Variants in CLTC observed in about 807,000 individuals in gnomAD.
The protein encoded by CLTC is clathrin heavy chain 1.
In CLTC, 16 loss-of-function variants were observed where a neutral mutation model predicts 195.8. That is an observed-to-expected ratio of 0.08 (90% confidence interval 0.06 to 0.12). The LOEUF is 0.12. Ranked by LOEUF, CLTC falls within the 10% of genes least tolerant of loss-of-function variation. The pLI is 1.00. For synonymous variants in CLTC, 667 were observed against 689.4 expected (o/e 0.97, Z 0.51); for missense variants, 796 against 2,027.0 (o/e 0.39, Z 11.66).
chr17:59,626,446 G>GA (rs1009329305), intron 1 of CLTC, among the ~76,000 whole-genome samples: 20 of 151,052 alleles, frequency 1.3e-4, no homozygotes, highest in African/African-American at 3.9e-4. Context: ...AGACATATTT[G>GA]AAAAAAAAAC....
Position 59,681,385 on chromosome 17 carries a change from C to T in CLTC, c.3156C>T (p.Ala1052=). Residue 1052 remains alanine, a synonymous_variant, in exon 20 of 32, where the codon GCC becomes GCT. Transcript: ENST00000269122. The surrounding 1 kb of genome is among the most constrained non-coding windows in gnomAD (Gnocchi z 5.0). ...EYINRLDNYD[A]PDIANIAISN... is the part of the protein sequence containing the mutation. Reference sequence around the variant, plus strand: ...TTAACCGCCTGGATAATTATGATGCCCCAGATATTGCCAATATCGCCATCA... The same window carrying T: ...TTAACCGCCTGGATAATTATGATGCTCCAGATATTGCCAATATCGCCATCA... 6.2e-7 allele frequency: 1 copy of T among 1,613,906 alleles called. No individual in the cohort carries two copies. The highest frequency in any genetic ancestry group is 1.7e-5 in the Admixed American group (1 of 59,998).
intron 5 of CLTC, among the ~76,000 whole-genome samples, chr17:59,652,206 C>T (rs982285375): frequency 3.9e-5 from 6 of 152,294 alleles, no homozygotes; most frequent in Middle Eastern, 6.8e-3. Context: ...TCTTGAACTC[C>T]TCAGTCATCC....
At chr17:59,665,834 C>CTTT (rs1289187549) in intron 10 of CLTC, among the ~76,000 whole-genome samples, 1 of 152,026 alleles carries the variant, frequency 6.6e-6, no homozygotes, top group African/African-American at 2.4e-5. Flanking sequence ...GAGCGAAACT[C>CTTT]TGCCTCAAAA....
At chr17:59,661,372 C>G (rs2032604569) in intron 7 of CLTC, 71 bp from the exon 8 acceptor site, 4 of 1,254,208 alleles carry the variant, frequency 3.2e-6, no homozygotes, top group Admixed American at 1.7e-5. Context: ...GTTTGGATCA[C>G]TTTCGAAGAG....
chr17:59,685,466 A>C lies in CLTC; in HGVS notation c.4606-121A>C, dbSNP rs1307762468. 1.1e-6 allele frequency: 1 copy of C among 935,680 alleles called. No homozygotes were observed. The highest frequency in any genetic ancestry group is 1.6e-6 in the Non-Finnish European group (1 of 631,614). 58.0% of individuals were successfully genotyped at this position (935,680 alleles called of 1,614,324 possible). ...AAATTTTAATTTAAATGATACAACTAGGAGGCTTTTTTCCCCTTGCAAAAC... is the reference window on the plus strand; with the variant it reads ...AAATTTTAATTTAAATGATACAACTCGGAGGCTTTTTTCCCCTTGCAAAAC... On this transcript the variant is annotated intron_variant, in intron 29 of 31. Transcript: ENST00000269122. This position sits in a 1 kb window ranked among gnomAD's most constrained non-coding sequence, Gnocchi z 5.0.
At chr17:59,633,482 G>C (rs2031780459) in intron 1 of CLTC, among the ~76,000 whole-genome samples, 1 of 151,910 alleles carries the variant, frequency 6.6e-6, no homozygotes, top group African/African-American at 2.4e-5. Flanking sequence ...GACAGAGCGA[G>C]ACTCCATCTC....
chr17:59,655,607 G>A (rs975424898), intron 5 of CLTC, among the ~76,000 whole-genome samples: 8 of 152,176 alleles, frequency 5.3e-5, no homozygotes, highest in East Asian at 1.9e-4. Context: ...CCTGTAATAC[G>A]TAAACTGTGC....
chr17:59,642,569 A>G (rs2032070025), intron 1 of CLTC, among the ~76,000 whole-genome samples: 1 of 152,222 alleles, frequency 6.6e-6, no homozygotes. Context: ...ACTCAGAAAA[A>G]TAGATGTGAG....
In CLTC at chr17:59,664,857, A is replaced by T. The variant is rs2032692372; in HGVS notation, c.1592A>T (p.Gln531Leu). The T allele has an allele frequency of 6.2e-7, 1 of 1,614,132 alleles. No individual in the cohort carries two copies. Among genetic ancestry groups the T allele is most frequent in the Non-Finnish European group, 8.5e-7 (1 of 1,179,992 alleles). ...VMRISPDQGQ[Q>L]FAQMLVQDEE... ...CGAATCAGTCCAGATCAGGGACAGCAGTTTGCCCAAATGTTAGTTCAAGAT... is the reference window on the plus strand; with the variant it reads ...CGAATCAGTCCAGATCAGGGACAGCTGTTTGCCCAAATGTTAGTTCAAGAT... Residue 531 changes from glutamine (Q) to leucine (L), a missense_variant, in exon 10 of 32, where the codon CAG becomes CTG. Gln to Leu is a moderately radical substitution (Grantham distance 113). Coordinates refer to ENST00000269122, the MANE Select transcript of CLTC (RefSeq NM_004859.4).
intron 1 of CLTC, among the ~76,000 whole-genome samples, chr17:59,627,046 G>T (rs879282897): frequency 1.4e-5 from 2 of 142,814 alleles, no homozygotes; most frequent in African/African-American, 2.5e-5. Context: ...CTACAGGCGT[G>T]CGCCACCAAA....
intron 30 of CLTC, among the ~76,000 whole-genome samples, chr17:59,688,993 T>C (rs994768231): frequency 3.3e-5 from 5 of 152,190 alleles, no homozygotes; most frequent in African/African-American, 9.6e-5. Context: ...TTAAGTTCTA[T>C]AACTAATAAT....
chr17:59,674,274 A>G (rs2032918352), intron 15 of CLTC, among the ~76,000 whole-genome samples: 1 of 152,228 alleles, frequency 6.6e-6, no homozygotes, highest in Admixed American at 6.5e-5. Context: ...ACTCCAAAGC[A>G]GAGTTTTCAA....
chr17:59,623,701 C>T (rs919762533), intron 1 of CLTC, among the ~76,000 whole-genome samples: 4 of 152,098 alleles, frequency 2.6e-5, no homozygotes, highest in Non-Finnish European at 4.4e-5. Context: ...TTATATTTAA[C>T]AAGGTGTTTT....
rs1049217874 is a variant in CLTC, at chr17:59,653,678, G to C, written c.796-2176G>C. Among the ~76,000 whole-genome samples the C allele has an allele frequency of 2.0e-5, 3 of 151,778 alleles. No homozygotes were observed. In the East Asian group the frequency reaches 5.9e-4, roughly 30 times the overall value. On this transcript the variant is annotated intron_variant, in intron 5 of 31. Coordinates refer to ENST00000269122, the MANE Select transcript of CLTC (RefSeq NM_004859.4). ...ACTGATCCTCTTGCCTCAGCCTCCA[G>C]AGTAGCTAAGAGTAGGTAGGACTAC...
intron 31 of CLTC, among the ~76,000 whole-genome samples, chr17:59,692,119 C>T (rs1018336371): frequency 6.6e-5 from 10 of 152,138 alleles, no homozygotes; most frequent in African/African-American, 1.4e-4. Flanking sequence ...GAGATCAAGA[C>T]CATCCTGGCC....
At chr17:59,678,208 C>T (rs752012616) in intron 17 of CLTC, among the ~76,000 whole-genome samples, 7 of 152,146 alleles carry the variant, frequency 4.6e-5, no homozygotes, top group East Asian at 1.9e-4. Context: ...GTATTATATC[C>T]GGAAGCACGC....
intron 28 of CLTC, chr17:59,684,639 AC>A (rs1243561638): frequency 1.3e-5 from 2 of 153,252 alleles, no homozygotes; most frequent in African/African-American, 4.8e-5. Flanking sequence ...CCCCGTCTCT[AC>A]TAAAATACCA....
chr17:59,686,296 T>C (rs2143603774), intron 30 of CLTC, among the ~76,000 whole-genome samples: 1 of 151,360 alleles, frequency 6.6e-6, no homozygotes, highest in African/African-American at 2.4e-5. Flanking sequence ...GAGGTGAACA[T>C]GGGAAAAAAA....
At chr17:59,644,542 T>A in intron 2 of CLTC, 59 bp downstream of exon 2, 1 of 1,327,122 alleles carries the variant, frequency 7.5e-7, no homozygotes, top group African/African-American at 1.8e-5. Flanking sequence ...TTTTTTTGTT[T>A]TTTTTTTGTT....
Sources: gnomAD v4.1 joint callset for allele counts (sites outside exome capture counted in the v4.1 genomes callset) on GRCh38, gnomAD v4.1.1 for gene constraint, Gnocchi (gnomAD v3.1) non-coding constraint, MANE v1.5 for transcripts, NCBI Gene and HGNC (gene_info 2026-07-23, HGNC 2026-07-21) for gene names.